CADPS2: variants seen among roughly 807,000 people sequenced by gnomAD.
The protein encoded by CADPS2 is calcium dependent secretion activator 2, also known as calcium-dependent secretion activator 2.
CADPS2 carries 93 observed loss-of-function variants against 172.5 expected under a neutral mutation model. The observed-to-expected ratio is 0.54, with a 90% CI of 0.46 to 0.64. CADPS2 has a LOEUF of 0.64. CADPS2 is among the 30% of genes least tolerant of loss of function. The pLI, the probability that CADPS2 is intolerant of heterozygous loss-of-function variation, is 0.00. For missense variants in CADPS2, 1,420 were observed against 1,565.9 expected, an observed-to-expected ratio of 0.91 and a Z score of 1.57; for synonymous variants, 546 against 555.2, an observed-to-expected ratio of 0.98 and a Z score of 0.23.
chr7:122,520,344 T>G (rs1395388207), intron 8 of CADPS2, among the ~76,000 whole-genome samples: 1 of 142,180 alleles, frequency 7.0e-6, no homozygotes, highest in Non-Finnish European at 1.5e-5. Context: ...AATGTGTGTG[T>G]TTTTTTTTTA....
chr7:122,399,117 A>G (rs949629828), intron 20 of CADPS2, among the ~76,000 whole-genome samples: 2 of 152,148 alleles, frequency 1.3e-5, no homozygotes, highest in African/African-American at 4.8e-5. Context: ...CTACCTAGGG[A>G]GAGAAAGTGA....
chr7:122,568,066 TA>T (rs2066697707), intron 7 of CADPS2, among the ~76,000 whole-genome samples: 1 of 151,948 alleles, frequency 6.6e-6, no homozygotes, highest in Non-Finnish European at 1.5e-5. Flanking sequence ...ACAAATAGAT[TA>T]AAAAATGGGA....
chr7:122,838,640 A>C (rs1809352431), intron 1 of CADPS2, among the ~76,000 whole-genome samples: 1 of 151,952 alleles, frequency 6.6e-6, no homozygotes, highest in African/African-American at 2.4e-5. Flanking sequence ...AATAACAGAC[A>C]AACAGAGAGT....
chr7:122,470,340 T>C (rs901301272), intron 14 of CADPS2, among the ~76,000 whole-genome samples: 3 of 151,622 alleles, frequency 2.0e-5, no homozygotes, highest in Admixed American at 6.6e-5. Context: ...AAATTGGGGA[T>C]AGGAGGGAAA....
chr7:122,587,360 G>A (rs1280823367), intron 6 of CADPS2, among the ~76,000 whole-genome samples: 1 of 152,052 alleles, frequency 6.6e-6, no homozygotes, highest in African/African-American at 2.4e-5. Context: ...GTGAGAACAT[G>A]TGGTGTTTGG....
intron 7 of CADPS2, among the ~76,000 whole-genome samples, chr7:122,559,464 A>C (rs958775944): frequency 6.6e-6 from 1 of 152,074 alleles, no homozygotes; most frequent in Non-Finnish European, 1.5e-5. Flanking sequence ...AATTCTCTTT[A>C]TGTTCTTAAA....
chr7:122,357,475 C>T (rs1365523400), intron 27 of CADPS2: 2 of 152,106 alleles, frequency 1.3e-5, no homozygotes, highest in African/African-American at 2.4e-5. Flanking sequence ...TCCTGGGATT[C>T]TATGATCACT....
At chr7:122,347,670 T>C (rs2037896765) in intron 27 of CADPS2, among the ~76,000 whole-genome samples, 1 of 152,186 alleles carries the variant, frequency 6.6e-6, no homozygotes, top group African/African-American at 2.4e-5. Flanking sequence ...ATTTCAATAA[T>C]TCTCATGAGC....
chr7:122,723,291 G>T (rs924822395), intron 2 of CADPS2, among the ~76,000 whole-genome samples: 3 of 151,950 alleles, frequency 2.0e-5, no homozygotes, highest in South Asian at 2.1e-4. Flanking sequence ...TCTGACAAAG[G>T]CCTAATATCC....
chr7:122,322,799 T>A (rs79235625), intron 29 of CADPS2, among the ~76,000 whole-genome samples: 2,792 of 152,324 alleles, frequency 0.018, 52 homozygotes, highest in Non-Finnish European at 0.026. Flanking sequence ...TGTCTTTGTT[T>A]AGGGTAAAGT....
chr7:122,318,986 A>G lies in CADPS2; in HGVS notation c.*1179T>C, dbSNP rs966407644. 1 of 152,242 alleles carries G rather than the reference A, an allele frequency of 6.6e-6. No individual in the cohort carries two copies. Among genetic ancestry groups the G allele is most frequent in the Non-Finnish European group, 1.5e-5 (1 of 68,042 alleles). 9.4% of individuals were successfully genotyped at this position (152,242 alleles called of 1,614,324 possible). On this transcript the variant is annotated 3_prime_UTR_variant, in exon 30 of 30. Transcript: ENST00000449022. ...ATGTTTTGGGAAATATCACAAAAAT[A>G]ATTCATAGAGAACTTACGCAACATA...
Position 122,814,779 on chromosome 7 carries a change from G to A in CADPS2, c.339+71220C>T, listed in dbSNP as rs529164134. 2.6e-5 allele frequency among the ~76,000 whole-genome samples: 4 copies of A among 152,118 alleles called. No individual in the cohort carries two copies. The South Asian group carries it at 8.3e-4, about 32-fold the overall frequency. ...ATTGAATCCGTTGTTTTCATTACATGGAATTGAAAATAAACAGCATTTCGC... is the reference window on the plus strand; with the variant it reads ...ATTGAATCCGTTGTTTTCATTACATAGAATTGAAAATAAACAGCATTTCGC... On this transcript the variant is annotated intron_variant, in intron 1 of 29. Coordinates refer to ENST00000449022, the MANE Select transcript of CADPS2 (RefSeq NM_017954.11).
chr7:122,461,402 T>C (rs534755625), intron 14 of CADPS2, among the ~76,000 whole-genome samples: 2 of 152,272 alleles, frequency 1.3e-5, no homozygotes, highest in African/African-American at 4.8e-5. Flanking sequence ...TACAATATCA[T>C]GGCAGGTAGA....
intron 1 of CADPS2, among the ~76,000 whole-genome samples, chr7:122,738,159 T>G (rs2092281456): frequency 6.6e-6 from 1 of 152,130 alleles, no homozygotes; most frequent in Non-Finnish European, 1.5e-5. Context: ...GAAATGTGAC[T>G]TATCAATCAT....
intron 7 of CADPS2, among the ~76,000 whole-genome samples, chr7:122,571,966 A>C (rs1332020228): frequency 6.6e-6 from 1 of 152,184 alleles, no homozygotes; most frequent in Non-Finnish European, 1.5e-5. Context: ...ATTAATAATC[A>C]CTTTAGGCCT....
intron 17 of CADPS2, among the ~76,000 whole-genome samples, chr7:122,424,991 A>AT (rs2048973322): frequency 1.3e-5 from 2 of 151,918 alleles, no homozygotes; most frequent in Admixed American, 1.3e-4. Flanking sequence ...TAAAAAAATT[A>AT]TTTTTTTGGA....
chr7:122,338,091 CAAT>C (rs953287315), intron 28 of CADPS2, among the ~76,000 whole-genome samples: 1 of 152,164 alleles, frequency 6.6e-6, no homozygotes, highest in African/African-American at 2.4e-5. Context: ...CACAACACAA[CAAT>C]GTTTATAAAT....
chr7:122,874,651 C>T (rs1445187480), intron 1 of CADPS2, among the ~76,000 whole-genome samples: 1 of 152,110 alleles, frequency 6.6e-6, no homozygotes, highest in Non-Finnish European at 1.5e-5. Flanking sequence ...GCTACAGCAA[C>T]CAAAACAGCA....
intron 1 of CADPS2, among the ~76,000 whole-genome samples, chr7:122,819,413 T>C (rs62482471): frequency 0.2 from 30,235 of 152,026 alleles, 3,146 homozygotes; most frequent in Middle Eastern, 0.3. Flanking sequence ...CCGATCGCCT[T>C]GGAAGCCCCC....
Sources: allele counts gnomAD v4.1 joint callset (sites outside exome capture counted in the v4.1 genomes callset), GRCh38; gene constraint gnomAD v4.1.1; transcripts MANE v1.5; gene names NCBI Gene and HGNC (gene_info 2026-07-23, HGNC 2026-07-21).